ENAH: variants seen among roughly 807,000 people sequenced by gnomAD.
ENAH encodes the protein ENAH actin regulator, also known as protein enabled homolog.
A neutral mutation model predicts 78.7 loss-of-function variants in ENAH; 23 were observed. The observed-to-expected ratio is 0.29, with a 90% CI of 0.21 to 0.41. The LOEUF (loss-of-function observed/expected upper bound fraction) is 0.41. ENAH is among the 10% of genes least tolerant of loss of function. The pLI is 1.00. For synonymous variants in ENAH, 226 were observed against 241.0 expected, an observed-to-expected ratio of 0.94 and a Z score of 0.58; for missense variants, 544 against 691.0, an observed-to-expected ratio of 0.79 and a Z score of 2.39.
At chr1:225,515,156 C>T in intron 6 of ENAH, 1 of 368,782 alleles carries the variant, frequency 2.7e-6, no homozygotes, top group Non-Finnish European at 4.8e-6. Context: ...CTAATTAAGA[C>T]TTTTTTTTTT....
intron 1 of ENAH, among the ~76,000 whole-genome samples, chr1:225,648,525 T>C (rs1426315235): frequency 6.6e-6 from 1 of 152,174 alleles, no homozygotes; most frequent in African/African-American, 2.4e-5. Flanking sequence ...TCTCTATTAA[T>C]CCACACTCTT....
intron 1 of ENAH, among the ~76,000 whole-genome samples, chr1:225,591,054 T>C (rs2147880537): frequency 6.6e-6 from 1 of 152,346 alleles, no homozygotes; most frequent in Non-Finnish European, 1.5e-5. Context: ...TATAACACTT[T>C]TTAAGTTAAG....
At chr1:225,569,281 A>G (rs2096748986) in intron 1 of ENAH, among the ~76,000 whole-genome samples, 1 of 152,214 alleles carries the variant, frequency 6.6e-6, no homozygotes, top group Admixed American at 6.5e-5. Context: ...TTTTGCAGCT[A>G]CATTGTTTCT....
At chr1:225,525,496 T>C (rs1461508641) in intron 4 of ENAH, among the ~76,000 whole-genome samples, 1 of 152,214 alleles carries the variant, frequency 6.6e-6, no homozygotes, top group Non-Finnish European at 1.5e-5. Context: ...GGTCAGGTTT[T>C]TCTATTCTTT....
At chr1:225,651,153 T>C (rs1256311993) in intron 1 of ENAH, among the ~76,000 whole-genome samples, 1 of 152,164 alleles carries the variant, frequency 6.6e-6, no homozygotes, top group African/African-American at 2.4e-5. Context: ...GTTCGTATGC[T>C]ATAATTACTA....
At chr1:225,646,959 A>G (rs951293402) in intron 1 of ENAH, among the ~76,000 whole-genome samples, 1 of 151,698 alleles carries the variant, frequency 6.6e-6, no homozygotes. Flanking sequence ...GGGGGCGGTG[A>G]CTCACGCCTA....
intron 1 of ENAH, among the ~76,000 whole-genome samples, chr1:225,579,755 T>C (rs968980920): frequency 5.3e-5 from 8 of 152,226 alleles, no homozygotes; most frequent in African/African-American, 1.9e-4. Flanking sequence ...TAGAAGAATA[T>C]GTCTTTACAT....
intron 4 of ENAH, among the ~76,000 whole-genome samples, chr1:225,521,175 T>C (rs2096465484): frequency 6.6e-6 from 1 of 152,202 alleles, no homozygotes; most frequent in Non-Finnish European, 1.5e-5. Context: ...TACAGTAGGA[T>C]ATTAAGTTAT....
chr1:225,548,100 C>T (rs2096623584), intron 3 of ENAH, among the ~76,000 whole-genome samples: 1 of 151,796 alleles, frequency 6.6e-6, no homozygotes, highest in Admixed American at 6.6e-5. Flanking sequence ...AAGAAAACAC[C>T]CAAAAGATAT....
chr1:225,617,957 G>A (rs1050513917), intron 1 of ENAH, among the ~76,000 whole-genome samples: 5 of 152,138 alleles, frequency 3.3e-5, no homozygotes, highest in South Asian at 2.1e-4. Context: ...ATTGTTCATC[G>A]TAGCTATCAA....
chr1:225,557,866 T>C (rs1030573572), intron 2 of ENAH, among the ~76,000 whole-genome samples: 4 of 152,110 alleles, frequency 2.6e-5, no homozygotes, highest in Non-Finnish European at 4.4e-5. Flanking sequence ...TTTCATGTAA[T>C]AATTTTATTG....
At chr1:225,520,020 G>A (rs1280964511) in intron 4 of ENAH, among the ~76,000 whole-genome samples, 1 of 152,192 alleles carries the variant, frequency 6.6e-6, no homozygotes, top group Non-Finnish European at 1.5e-5. Context: ...TGGGCCAGGT[G>A]TAGTGACTCA....
chr1:225,508,357 T>C, intron 10 of ENAH: 1 of 159,704 alleles, frequency 6.3e-6, no homozygotes, highest in Non-Finnish European at 1.4e-5. Context: ...AAAATTAGGA[T>C]AGTTCAATTA....
chr1:225,627,359 A>T (rs1658139397), intron 1 of ENAH, among the ~76,000 whole-genome samples: 1 of 152,210 alleles, frequency 6.6e-6, no homozygotes, highest in South Asian at 2.1e-4. Context: ...ATCTAGGAAT[A>T]AGCAGCACAC....
chr1:225,565,190 C>T (rs553271133), intron 2 of ENAH, among the ~76,000 whole-genome samples: 2 of 152,298 alleles, frequency 1.3e-5, no homozygotes, highest in African/African-American at 4.8e-5. Context: ...AATCCTTGCA[C>T]TTTGGGAGGC....
At chr1:225,646,530 T>A (rs1661990584) in intron 1 of ENAH, among the ~76,000 whole-genome samples, 1 of 152,050 alleles carries the variant, frequency 6.6e-6, no homozygotes, top group South Asian at 2.1e-4. Context: ...TTAAAATAAA[T>A]GTCTAGGCCG....
At chr1:225,501,109 C>A (rs1295729531) in intron 11 of ENAH, 39 bp from the exon 12 acceptor site, 6 of 1,467,622 alleles carry the variant, frequency 4.1e-6, no homozygotes, top group Non-Finnish European at 4.8e-6. Context: ...AAACAACATT[C>A]TTAATACTTA....
chr1:225,619,389 C>T (rs1386087175), intron 1 of ENAH, among the ~76,000 whole-genome samples: 1 of 152,046 alleles, frequency 6.6e-6, no homozygotes, highest in Non-Finnish European at 1.5e-5. Context: ...CTAAAAAATA[C>T]TAAAATTAGC....
Position 225,491,336 on chromosome 1 carries a change from T to C in ENAH, c.*6439A>G, listed in dbSNP as rs917293217. The C allele has an allele frequency of 2.0e-5, 3 of 151,584 alleles. No homozygotes were observed. Among genetic ancestry groups the C allele is most frequent in the African/African-American group, 7.3e-5 (3 of 41,272 alleles). 9.4% of individuals were successfully genotyped at this position (151,584 alleles called of 1,614,324 possible). ...TTTTGTATTTTTAGTAGAGATGGGGTTTCATCATGTTGGCCAGGCTGGTCT... is the reference window on the plus strand; with the variant it reads ...TTTTGTATTTTTAGTAGAGATGGGGCTTCATCATGTTGGCCAGGCTGGTCT... On this transcript the variant is annotated 3_prime_UTR_variant, in exon 14 of 14. Transcript: ENST00000366843.
Sources: gnomAD v4.1 joint callset for allele counts (sites outside exome capture counted in the v4.1 genomes callset) on GRCh38, gnomAD v4.1.1 for gene constraint, MANE v1.5 for transcripts, NCBI Gene and HGNC (gene_info 2026-07-23, HGNC 2026-07-21) for gene names.